The following NOS1 variants were observed in gnomAD, a reference collection of about 807,000 sequenced individuals.
The protein encoded by NOS1 is NOS type I.
Under a neutral mutation model 164.5 loss-of-function variants are expected in NOS1, and 51 were observed. The observed-to-expected ratio is 0.31, with a 90% confidence interval of 0.25 to 0.39. NOS1 has a LOEUF of 0.39. Ranked by LOEUF, NOS1 falls within the 10% of genes least tolerant of loss-of-function variation. The pLI is 1.00. For synonymous variants in NOS1, 719 were observed against 745.8 expected, an observed-to-expected ratio of 0.96 and a Z score of 0.59; for missense variants, 1,362 against 1,885.6, an observed-to-expected ratio of 0.72 and a Z score of 5.14.
intron 22 of NOS1, among the ~76,000 whole-genome samples, chr12:117,229,650 A>G (rs1869035269): frequency 2.0e-5 from 3 of 150,592 alleles, no homozygotes; most frequent in South Asian, 2.1e-4. Context: ...GTGCAGTGGC[A>G]TGATCTCGGC....
At chr12:117,280,978 C>G in intron 7 of NOS1, 112 bp from the exon 8 acceptor site, 1 of 1,256,472 alleles carries the variant, frequency 8.0e-7, no homozygotes, top group Non-Finnish European at 1.1e-6. Context: ...GGGTAGATTA[C>G]CTCCGTGCCA....
rs1412760885 is a variant in NOS1 at position 117,272,510 on chromosome 12, C to T, written c.1714G>A (p.Val572Met). Residue 572 changes from valine (V) to methionine (M), a missense_variant, in exon 10 of 29, where the codon GTG becomes ATG. Val to Met is a conservative substitution (Grantham distance 21). This residue lies in a region of NOS1 where 134 missense variants were observed against 267.3 expected (regional missense o/e 0.50). Transcript: ENST00000317775. The surrounding 1 kb of genome is among the most constrained non-coding windows in gnomAD (Gnocchi z 4.3). The stretch of plus-strand genomic sequence containing the variant: ...CCAATCTCTAGGAGCATGTTGGACA[C>T]GGCGGGGAGGCCGTACCACTTCAGC... ...LGLKWYGLPA[V>M]SNMLLEIGGL... is the part of the protein sequence containing the mutation. 56 of 1,614,164 alleles carry T rather than the reference C, an allele frequency of 3.5e-5. 1 individual carries two copies. The highest frequency in any genetic ancestry group is 2.0e-4 in the Admixed American group (12 of 60,024).
intron 18 of NOS1, among the ~76,000 whole-genome samples, chr12:117,245,316 T>C (rs542796827): frequency 2.0e-4 from 31 of 152,258 alleles, no homozygotes; most frequent in African/African-American, 7.2e-4. Flanking sequence ...AGTTTAGTTA[T>C]CCTCATATGC....
chr12:117,224,128 C>A (rs41426547), intron 25 of NOS1, among the ~76,000 whole-genome samples: 58 of 152,318 alleles, frequency 3.8e-4, no homozygotes, highest in African/African-American at 1.4e-3. Context: ...TTTTTACTGA[C>A]TGATTGATTT....
intron 1 of NOS1, among the ~76,000 whole-genome samples, chr12:117,347,022 C>T (rs1257125631): frequency 2.6e-5 from 4 of 152,166 alleles, no homozygotes; most frequent in Admixed American, 6.5e-5. Flanking sequence ...CATGGTGGCT[C>T]ACACCTGTAA....
Position 117,337,737 on chromosome 12 carries a change from G to A in NOS1, c.-420-6248C>T, listed in dbSNP as rs530052965. ...CCACCCAGAACCATATGAATAGAGA[G>A]GTCATAGTAGAATGTCCCCTGGGCT... is the stretch of plus-strand genomic sequence containing the variant. On this transcript the variant is annotated intron_variant, in intron 1 of 28. Transcript: ENST00000317775. Among the ~76,000 whole-genome samples, 304 of 152,204 alleles carry A rather than the reference G, an allele frequency of 2.0e-3. 2 individuals carry two copies. Among genetic ancestry groups the A allele is most frequent in the South Asian group, 8.3e-3 (40 of 4,816 alleles).
intron 1 of NOS1, among the ~76,000 whole-genome samples, chr12:117,354,498 T>C (rs907829691): frequency 6.6e-6 from 1 of 152,230 alleles, no homozygotes; most frequent in African/African-American, 2.4e-5. Context: ...TTACTGAGTA[T>C]TCCAGAGCTG....
intron 1 of NOS1, among the ~76,000 whole-genome samples, chr12:117,345,707 A>T (rs964672827): frequency 3.9e-5 from 6 of 152,208 alleles, no homozygotes; most frequent in African/African-American, 1.2e-4. Flanking sequence ...ATCAATTAAC[A>T]CTTAGGGCTG....
rs201951799 is a variant in NOS1 at position 117,310,823 on chromosome 12, A to T, written c.852+643T>A. On this transcript the variant is annotated intron_variant, in intron 3 of 28. Coordinates refer to ENST00000317775, the MANE Select transcript of NOS1 (RefSeq NM_000620.5). ...ATTATGCTCCACTAATTAAAAAAAA[A>T]TTTTTTTTTTAAAAGAGATAGGGTC... Among the ~76,000 whole-genome samples, 57 of 150,944 alleles carry T rather than the reference A, an allele frequency of 3.8e-4. No individual in the cohort carries two copies. In the East Asian group the frequency reaches 6.3e-3, roughly 17 times the overall value.
At chr12:117,345,003 CTTGCTTGG>C (rs1162186974) in intron 1 of NOS1, among the ~76,000 whole-genome samples, 113 of 148,176 alleles carry the variant, frequency 7.6e-4, no homozygotes, top group African/African-American at 2.7e-3. Flanking sequence ...TTCTTGCTTG[CTTGCTTGG>C]TTGCTTGGTT....
intron 7 of NOS1, among the ~76,000 whole-genome samples, chr12:117,284,287 C>G (rs1483445428): frequency 3.3e-5 from 5 of 152,208 alleles, no homozygotes; most frequent in Admixed American, 3.3e-4. Flanking sequence ...CGGGCAGAGT[C>G]AACAAGTGTA....
intron 20 of NOS1, among the ~76,000 whole-genome samples, chr12:117,242,406 T>C (rs1027146619): frequency 6.6e-6 from 1 of 152,242 alleles, no homozygotes; most frequent in Non-Finnish European, 1.5e-5. Context: ...TCTTTCCTCT[T>C]TTCATGAGAC....
intron 15 of NOS1, 120 bp downstream of exon 15, chr12:117,258,906 G>A (rs1051681944): frequency 4.6e-6 from 3 of 658,004 alleles, no homozygotes; most frequent in Non-Finnish European, 5.3e-6. Context: ...GAAATTACTG[G>A]CTTTCAGGCT....
At chr12:117,237,677 G>GAAA (rs11411313) in intron 20 of NOS1, among the ~76,000 whole-genome samples, 1 of 147,816 alleles carries the variant, frequency 6.8e-6, no homozygotes, top group African/African-American at 2.5e-5. Flanking sequence ...GCATTAAATG[G>GAAA]AAAAAAAAAA....
At chr12:117,296,501 C>T (rs1390290750) in intron 3 of NOS1, among the ~76,000 whole-genome samples, 1 of 152,204 alleles carries the variant, frequency 6.6e-6, no homozygotes, top group African/African-American at 2.4e-5. Context: ...GAGCCTACAT[C>T]TTTCTCCCGT....
intron 2 of NOS1, among the ~76,000 whole-genome samples, chr12:117,322,151 T>A (rs1162725092): frequency 1.6e-5 from 2 of 122,876 alleles, no homozygotes; most frequent in Non-Finnish European, 3.3e-5. Context: ...TTTCCTTCCT[T>A]CCCTCCCTCC....
At position 117,297,938 on chromosome 12, in the gene NOS1, G is replaced by A. The variant is rs188142462; in HGVS notation, c.853-7512C>T. Among the ~76,000 whole-genome samples the A allele has an allele frequency of 2.5e-3, 385 of 152,182 alleles. 1 individual carries two copies. The highest frequency in any genetic ancestry group is 5.1e-3 in the African/African-American group (213 of 41,524). On this transcript the variant is annotated intron_variant, in intron 3 of 28. Transcript: ENST00000317775. ...GCCTCCAAGACATACAACATCTTAG[G>A]AGCTATTATGGCAGCAGTCCTCAAC...
Position 117,209,148 on chromosome 12 carries a change from C to T in NOS1, c.*6161G>A, listed in dbSNP as rs1354562678. ...TAGGCAAAGTTTCTGCTGCGTGCTC[C>T]AGGAAATCTATAATGAGAAGTCCTG... On this transcript the variant is annotated 3_prime_UTR_variant, in exon 29 of 29. Coordinates refer to ENST00000317775, the MANE Select transcript of NOS1 (RefSeq NM_000620.5). 1.0e-6 allele frequency: 1 copy of T among 985,282 alleles called. No individual in the cohort carries two copies. Among genetic ancestry groups the T allele is most frequent in the Admixed American group, 6.2e-5 (1 of 16,250 alleles). The allele number at this position is 985,282 out of a possible 1,614,324, so 61.0% of individuals were successfully genotyped here. A position where few individuals can be genotyped will look rare whatever the true frequency, so the allele number is the denominator to read the frequency against.
intron 1 of NOS1, among the ~76,000 whole-genome samples, chr12:117,358,864 C>T (rs996738867): frequency 2.0e-5 from 3 of 152,236 alleles, no homozygotes; most frequent in Non-Finnish European, 4.4e-5. Context: ...ACAGATGTAT[C>T]AGGAAATACA....
Sources: gnomAD v4.1 joint callset for allele counts (sites outside exome capture counted in the v4.1 genomes callset) on GRCh38, gnomAD v4.1.1 for gene constraint, gnomAD v4.1.1 regional missense constraint, Gnocchi (gnomAD v3.1) non-coding constraint, MANE v1.5 for transcripts, NCBI Gene and HGNC (gene_info 2026-07-23, HGNC 2026-07-21) for gene names.